The following RAD51B variants were observed in gnomAD, a reference collection of about 807,000 sequenced individuals.
RAD51B encodes RAD51 paralog B.
In RAD51B, 38 loss-of-function variants were observed where a neutral mutation model predicts 42.2. The observed-to-expected ratio is 0.90, with a 90% confidence interval of 0.70 to 1.18. The LOEUF (loss-of-function observed/expected upper bound fraction) is 1.18, where lower values mean the gene tolerates loss of function less well. Among genes scored for constraint, RAD51B ranks in the 50% most tolerant of loss-of-function variants. RAD51B has a pLI of 0.00. For synonymous variants in RAD51B, 154 were observed against 145.2 expected (o/e 1.06, Z -0.43); for missense variants, 373 against 400.7 (o/e 0.93, Z 0.59).
rs756177674 is a variant in RAD51B, at chr14:67,835,121, A to G, written c.240A>G (p.Pro80=). The G allele has an allele frequency of 6.2e-7, 1 of 1,614,034 alleles. No individual in the cohort carries two copies. Among genetic ancestry groups the G allele is most frequent in the Non-Finnish European group, 8.5e-7 (1 of 1,179,936 alleles). ...CACAAAGGTCTGCTGATTTCTCACC[A>G]GCATTCTTATCTACTACCCTTTCTG... ...IKAQRSADFS[P]AFLSTTLSAL... Residue 80 remains proline (P), a synonymous_variant, in exon 4 of 11, where the codon CCA becomes CCG. Coordinates refer to ENST00000471583, the MANE Select transcript of RAD51B (RefSeq NM_133510.4).
chr14:68,293,697 G>C (rs1262512884), intron 8 of RAD51B, among the ~76,000 whole-genome samples: 3 of 152,118 alleles, frequency 2.0e-5, no homozygotes, highest in Admixed American at 2.0e-4. Flanking sequence ...CTCTTTCACA[G>C]AACCTGCTTG....
At chr14:67,941,803 G>A (rs2045220274) in intron 7 of RAD51B, among the ~76,000 whole-genome samples, 1 of 152,232 alleles carries the variant, frequency 6.6e-6, no homozygotes, top group Non-Finnish European at 1.5e-5. Context: ...CTTTGAGTGA[G>A]TTTGCATATG....
chr14:68,149,841 A>G (rs557763682), intron 7 of RAD51B: 1 of 152,346 alleles, frequency 6.6e-6, no homozygotes, highest in East Asian at 1.9e-4. Context: ...GAACTCCTGT[A>G]CTCAAGCAGT....
intron 7 of RAD51B, among the ~76,000 whole-genome samples, chr14:68,110,352 CA>C (rs1263631193): frequency 4.6e-5 from 7 of 151,918 alleles, no homozygotes; most frequent in Non-Finnish European, 1.0e-4. Flanking sequence ...TACTGTTCCA[CA>C]ATCCCCTCTT....
chr14:68,595,189 C>T (rs1305207393), exon 11 of RAD51B: 13 of 1,063,484 alleles, frequency 1.2e-5, no homozygotes. Flanking sequence ...TGGAGCAGAA[C>T]ACTTACATGG....
intron 7 of RAD51B, among the ~76,000 whole-genome samples, chr14:68,284,758 GTT>G (rs1030355894): frequency 6.9e-6 from 1 of 144,522 alleles, no homozygotes; most frequent in Admixed American, 6.9e-5. Flanking sequence ...TTATTTTTGT[GTT>G]TTTTTTTTTT....
In RAD51B at chr14:67,865,140, G is replaced by T. The variant is rs1246973294; in HGVS notation, c.452+1G>T. On this transcript the variant is annotated splice_donor_variant, in intron 5 of 10. Coordinates refer to ENST00000471583, the MANE Select transcript of RAD51B (RefSeq NM_133510.4). LOFTEE classifies it high-confidence loss of function. ...CAGAGTCTGCATTTAGTGCTGAAAG[G>T]TATGAGATTTTATTTTCTATTATAA... The T allele has an allele frequency of 1.3e-6, 2 of 1,587,180 alleles. No homozygotes were observed. The highest frequency in any genetic ancestry group is 1.7e-6 in the Non-Finnish European group (2 of 1,169,484).
intron 4 of RAD51B, 54 bp downstream of exon 4, chr14:67,835,250 A>G (rs553671820): frequency 1.1e-4 from 142 of 1,263,358 alleles, no homozygotes; most frequent in Middle Eastern, 1.9e-4. Context: ...CTTCAGAGCT[A>G]GGGAAAAAGT....
At chr14:67,930,878 T>G (rs1488404882) in intron 7 of RAD51B, among the ~76,000 whole-genome samples, 5 of 152,216 alleles carry the variant, frequency 3.3e-5, no homozygotes, top group Non-Finnish European at 2.9e-5. Context: ...TCTTTTTTAT[T>G]CTTTATTCAA....
chr14:68,622,197 G>A (rs761000695), intron 10 of RAD51B, among the ~76,000 whole-genome samples: 1 of 152,208 alleles, frequency 6.6e-6, no homozygotes, highest in Non-Finnish European at 1.5e-5. Context: ...TGTCTCAGGA[G>A]CAGAATCCTC....
At chr14:68,076,945 G>A (rs1263341776) in intron 7 of RAD51B, among the ~76,000 whole-genome samples, 2 of 152,146 alleles carry the variant, frequency 1.3e-5, no homozygotes, top group African/African-American at 4.8e-5. Context: ...CTCTACCACT[G>A]AGATGTTTAG....
chr14:68,123,666 G>C (rs747817635), intron 7 of RAD51B, among the ~76,000 whole-genome samples: 1 of 152,044 alleles, frequency 6.6e-6, no homozygotes, highest in Non-Finnish European at 1.5e-5. Flanking sequence ...AAATTAGCTC[G>C]GCATGGTGGC....
At chr14:68,215,529 C>T (rs1032706392) in intron 7 of RAD51B, among the ~76,000 whole-genome samples, 3 of 152,170 alleles carry the variant, frequency 2.0e-5, no homozygotes, top group Non-Finnish European at 2.9e-5. Flanking sequence ...GTGCTATTAT[C>T]CCCATTTTGA....
chr14:67,824,351 C>T (rs1005228375), intron 2 of RAD51B, among the ~76,000 whole-genome samples: 11 of 152,100 alleles, frequency 7.2e-5, no homozygotes, highest in South Asian at 2.1e-4. Context: ...TCCTCCTCCC[C>T]GGTTCAAGTG....
intron 7 of RAD51B, among the ~76,000 whole-genome samples, chr14:68,259,870 C>T (rs1246403237): frequency 1.3e-5 from 2 of 152,096 alleles, no homozygotes; most frequent in Non-Finnish European, 1.5e-5. Flanking sequence ...TTTATTCCTT[C>T]ATTATATATT....
At chr14:68,271,144 A>T (rs1310884174) in intron 7 of RAD51B, among the ~76,000 whole-genome samples, 1 of 152,148 alleles carries the variant, frequency 6.6e-6, no homozygotes, top group Non-Finnish European at 1.5e-5. Context: ...TTTCTAACAT[A>T]CTGTATCATT....
chr14:68,287,175 C>T (rs2081429082), intron 7 of RAD51B, among the ~76,000 whole-genome samples: 4 of 152,164 alleles, frequency 2.6e-5, no homozygotes, highest in African/African-American at 7.2e-5. Context: ...ACTGGGTGGT[C>T]TATGAATCTA....
intron 7 of RAD51B, among the ~76,000 whole-genome samples, chr14:68,163,289 T>C (rs1341154362): frequency 6.6e-6 from 1 of 152,242 alleles, no homozygotes; most frequent in Non-Finnish European, 1.5e-5. Context: ...CTTCTTGTTT[T>C]CCAAATTCTC....
chr14:68,576,983 T>C (rs557325007), intron 10 of RAD51B, among the ~76,000 whole-genome samples: 1 of 152,302 alleles, frequency 6.6e-6, no homozygotes, highest in Admixed American at 6.5e-5. Flanking sequence ...TGTGGTTTGC[T>C]GAGATTCCCT....
Sources: allele counts gnomAD v4.1 joint callset (sites outside exome capture counted in the v4.1 genomes callset), GRCh38; gene constraint gnomAD v4.1.1; transcripts MANE v1.5; gene names NCBI Gene and HGNC (gene_info 2026-07-23, HGNC 2026-07-21).